Variants in FAM13A observed in about 807,000 individuals in gnomAD.
FAM13A encodes protein FAM13A.
In FAM13A, 76 loss-of-function variants were observed where a neutral mutation model predicts 129.6. The ratio of observed to expected loss-of-function variants is 0.59; its 90% CI spans 0.49 to 0.71. The LOEUF (loss-of-function observed/expected upper bound fraction) is 0.71. Ranked by LOEUF, FAM13A falls within the 30% of genes least tolerant of loss-of-function variation. FAM13A has a pLI of 0.00. For missense variants in FAM13A, 1,108 were observed against 1,249.3 expected, an observed-to-expected ratio of 0.89 and a Z score of 1.70; for synonymous variants, 443 against 449.9, an observed-to-expected ratio of 0.98 and a Z score of 0.20.
intron 2 of FAM13A, among the ~76,000 whole-genome samples, chr4:89,024,890 G>A (rs1323451950): frequency 1.3e-5 from 2 of 151,996 alleles, no homozygotes; most frequent in Admixed American, 1.3e-4. Flanking sequence ...TATGAGGTGT[G>A]GGCAATGCAT....
intron 6 of FAM13A, among the ~76,000 whole-genome samples, chr4:88,878,106 G>A (rs988338970): frequency 2.0e-5 from 3 of 151,770 alleles, no homozygotes; most frequent in South Asian, 2.1e-4. Context: ...TGGCTAACAC[G>A]GTGAAACCCC....
intron 7 of FAM13A, among the ~76,000 whole-genome samples, chr4:88,844,831 G>A (rs1176632593): frequency 6.6e-6 from 1 of 152,192 alleles, no homozygotes; most frequent in Admixed American, 6.5e-5. Flanking sequence ...TGAGCAGTGA[G>A]GTTGTCAAAG....
At chr4:88,900,160 A>G (rs1269669360) in intron 6 of FAM13A, among the ~76,000 whole-genome samples, 2 of 152,088 alleles carry the variant, frequency 1.3e-5, no homozygotes, top group Non-Finnish European at 2.9e-5. Flanking sequence ...AAAACTGACT[A>G]GGGTACCTGA....
At chr4:89,051,477 A>T (rs1693442756) in intron 1 of FAM13A, among the ~76,000 whole-genome samples, 1 of 152,134 alleles carries the variant, frequency 6.6e-6, no homozygotes, top group South Asian at 2.1e-4. Flanking sequence ...ATGGCATTCC[A>T]CCTCTGTTCC....
intron 7 of FAM13A, among the ~76,000 whole-genome samples, chr4:88,808,410 A>G (rs932974856): frequency 7.2e-5 from 11 of 152,148 alleles, no homozygotes; most frequent in Non-Finnish European, 1.0e-4. Flanking sequence ...TACTATTACT[A>G]CAGGCTCCAA....
intron 1 of FAM13A, among the ~76,000 whole-genome samples, chr4:89,038,561 A>T (rs1483523571): frequency 1.3e-5 from 2 of 152,214 alleles, no homozygotes; most frequent in Non-Finnish European, 2.9e-5. Flanking sequence ...TTAGATCACC[A>T]AAAGTAACCA....
intron 7 of FAM13A, among the ~76,000 whole-genome samples, chr4:88,819,070 T>C (rs1266810370): frequency 6.6e-6 from 1 of 152,208 alleles, no homozygotes. Flanking sequence ...TAATCGTCTT[T>C]AAGTCTTTTT....
At chr4:88,873,796 C>T (rs1342141440) in intron 6 of FAM13A, among the ~76,000 whole-genome samples, 2 of 152,176 alleles carry the variant, frequency 1.3e-5, no homozygotes, top group East Asian at 3.8e-4. Flanking sequence ...ATGAGGCCAG[C>T]ATCATCCTGA....
intron 1 of FAM13A, among the ~76,000 whole-genome samples, chr4:89,034,460 T>C (rs1319315124): frequency 6.6e-6 from 1 of 152,240 alleles, no homozygotes; most frequent in African/African-American, 2.4e-5. Context: ...AGGGTACATT[T>C]ATATGCTGTT....
intron 7 of FAM13A, among the ~76,000 whole-genome samples, chr4:88,831,992 C>A (rs1272359023): frequency 6.6e-6 from 1 of 152,064 alleles, no homozygotes; most frequent in East Asian, 1.9e-4. Context: ...GTTTATACTA[C>A]AAGGCTGCAG....
intron 7 of FAM13A, among the ~76,000 whole-genome samples, chr4:88,829,517 T>C (rs13149209): frequency 0.23 from 35,165 of 152,204 alleles, 4,967 homozygotes; most frequent in East Asian, 0.61. Context: ...ATGGTATTTA[T>C]AAATTGTAAG....
chr4:88,978,257 T>C (rs1282528461), intron 4 of FAM13A, among the ~76,000 whole-genome samples: 1 of 152,214 alleles, frequency 6.6e-6, no homozygotes, highest in Non-Finnish European at 1.5e-5. Context: ...TAATCCTAAA[T>C]AATACTTTCT....
intron 6 of FAM13A, among the ~76,000 whole-genome samples, chr4:88,861,018 C>A (rs527952855): frequency 4.8e-4 from 73 of 152,258 alleles, no homozygotes; most frequent in African/African-American, 1.7e-3. Flanking sequence ...CTCTCTTTTT[C>A]TCTGTTGCCA....
intron 6 of FAM13A, among the ~76,000 whole-genome samples, chr4:88,884,678 G>T (rs1000465450): frequency 6.6e-6 from 1 of 152,062 alleles, no homozygotes; most frequent in Admixed American, 6.5e-5. Context: ...GAAAGAAAGC[G>T]GAACCAAACT....
intron 4 of FAM13A, among the ~76,000 whole-genome samples, chr4:88,969,754 C>A (rs1319548465): frequency 6.6e-6 from 1 of 152,144 alleles, no homozygotes; most frequent in Admixed American, 6.5e-5. Flanking sequence ...TTATTTTGCT[C>A]TTATTACTTT....
intron 5 of FAM13A, among the ~76,000 whole-genome samples, chr4:88,912,984 G>T (rs1396327909): frequency 1.3e-5 from 2 of 150,886 alleles, no homozygotes; most frequent in African/African-American, 4.9e-5. Flanking sequence ...GAAGAAAGAA[G>T]AAAGAAGAAG....
intron 8 of FAM13A, among the ~76,000 whole-genome samples, chr4:88,791,302 C>A (rs1456053320): frequency 1.3e-5 from 2 of 151,868 alleles, no homozygotes; most frequent in African/African-American, 4.8e-5. Flanking sequence ...TTTTTTAAAG[C>A]CTGAATTCTT....
intron 1 of FAM13A, among the ~76,000 whole-genome samples, chr4:89,033,304 C>G (rs1318409264): frequency 6.6e-6 from 1 of 152,164 alleles, no homozygotes; most frequent in Non-Finnish European, 1.5e-5. Flanking sequence ...GCTGCCAATA[C>G]TTCAAACGGC....
chr4:88,750,309 T>C, intron 15 of FAM13A, 115 bp downstream of exon 15: 2 of 818,396 alleles, frequency 2.4e-6, no homozygotes, highest in African/African-American at 1.7e-5. Flanking sequence ...TTCAAATATG[T>C]TGCTCCATAG....
Sources: allele counts gnomAD v4.1 joint callset (sites outside exome capture counted in the v4.1 genomes callset), GRCh38; gene constraint gnomAD v4.1.1; transcripts MANE v1.5; gene names NCBI Gene and HGNC (gene_info 2026-07-23, HGNC 2026-07-21).